The following KLHDC4 variants were observed in gnomAD, a reference collection of about 807,000 sequenced individuals.
KLHDC4 encodes the protein kelch domain containing 4, also known as kelch domain-containing protein 4.
In KLHDC4, 90 loss-of-function variants were observed where a neutral mutation model predicts 62.4. That is an observed-to-expected ratio of 1.44 (90% CI 1.22 to 1.72). The LOEUF is 1.72. KLHDC4 is among the 40% of genes most tolerant of loss of function. The probability of loss-of-function intolerance (pLI) is 0.00; values close to 1 mark genes in which losing one functional copy is unlikely to be tolerated. For synonymous variants in KLHDC4, 386 were observed against 284.4 expected (o/e 1.36, Z -3.59); for missense variants, 1,025 against 699.7 (o/e 1.47, Z -5.25).
intron 7 of KLHDC4, among the ~76,000 whole-genome samples, chr16:87,723,172 G>A (rs766505195): frequency 1.3e-5 from 2 of 152,202 alleles, no homozygotes; most frequent in Non-Finnish European, 2.9e-5. Context: ...CAGCCATGGC[G>A]CAGCTGACCA....
At chr16:87,754,195 T>A (rs1432999390) in intron 4 of KLHDC4, among the ~76,000 whole-genome samples, 1 of 150,868 alleles carries the variant, frequency 6.6e-6, no homozygotes, top group Non-Finnish European at 1.5e-5. Flanking sequence ...CCTAATACAA[T>A]CCCAGTCAGG....
intron 1 of KLHDC4, among the ~76,000 whole-genome samples, chr16:87,762,413 G>C (rs1167050901): frequency 6.6e-6 from 1 of 151,802 alleles, no homozygotes; most frequent in Non-Finnish European, 1.5e-5. Flanking sequence ...AGCAGTGTCT[G>C]ACAAGAACTT....
chr16:87,739,617 G>A (rs62055589), intron 5 of KLHDC4, among the ~76,000 whole-genome samples: 10,918 of 150,950 alleles, frequency 0.072, 526 homozygotes, highest in Non-Finnish European at 0.1. Flanking sequence ...CCACACACCA[G>A]CACGTCATCC....
At position 87,708,082 on chromosome 16, in the gene KLHDC4, C is replaced by T. The variant is rs201054912; in HGVS notation, c.*2-7G>A. ...GCCCCTGGCAGGGGCTCTTCTGATACGCAAGGAGGAAGGAATGAGAGAGAA... is the reference window on the plus strand; with the variant it reads ...GCCCCTGGCAGGGGCTCTTCTGATATGCAAGGAGGAAGGAATGAGAGAGAA... On this transcript the variant is annotated splice_region_variant and splice_polypyrimidine_tract_variant and intron_variant, in intron 11 of 11. Transcript: ENST00000270583. The T allele has an allele frequency of 4.6e-4, 271 of 593,182 alleles. No individual in the cohort carries two copies. The highest frequency in any genetic ancestry group is 7.8e-4 in the Non-Finnish European group (245 of 315,500). 36.7% of individuals were successfully genotyped at this position (593,182 alleles called of 1,614,324 possible). A position where few individuals can be genotyped will look rare whatever the true frequency, so the allele number is the denominator to read the frequency against.
intron 4 of KLHDC4, among the ~76,000 whole-genome samples, chr16:87,754,121 CAG>C (rs2044478537): frequency 6.6e-6 from 1 of 151,950 alleles, no homozygotes; most frequent in South Asian, 2.1e-4. Flanking sequence ...GGCTGGGAGA[CAG>C]AGCAAGACTC....
intron 9 of KLHDC4, chr16:87,710,887 G>A (rs1039514767): frequency 3.4e-5 from 8 of 235,382 alleles, no homozygotes; most frequent in African/African-American, 1.3e-4. Flanking sequence ...AGATGGTGTC[G>A]GAAACCAGGG....
At chr16:87,736,330 G>A (rs2041300924) in intron 5 of KLHDC4, among the ~76,000 whole-genome samples, 1 of 152,198 alleles carries the variant, frequency 6.6e-6, no homozygotes, top group Non-Finnish European at 1.5e-5. Flanking sequence ...CCACCAGTAT[G>A]TATGGTCCGT....
intron 2 of KLHDC4, chr16:87,757,483 G>C (rs1352995815): frequency 3.6e-5 from 5 of 138,024 alleles, no homozygotes; most frequent in African/African-American, 1.4e-4. Flanking sequence ...AAAAAAAAAA[G>C]TCCATATGTA....
intron 5 of KLHDC4, among the ~76,000 whole-genome samples, chr16:87,736,988 G>A (rs1480231567): frequency 6.6e-6 from 1 of 151,430 alleles, no homozygotes; most frequent in East Asian, 1.9e-4. Context: ...AGCCAGGCAT[G>A]GTGGTAGGCA....
chr16:87,713,352 C>T (rs544573393), intron 8 of KLHDC4, among the ~76,000 whole-genome samples: 1 of 152,036 alleles, frequency 6.6e-6, no homozygotes, highest in Admixed American at 6.5e-5. Context: ...GGCACACACG[C>T]CAGCACACCT....
intron 7 of KLHDC4, among the ~76,000 whole-genome samples, chr16:87,725,665 CAGGAACACTTGAGTTCCG>C (rs2039234935): frequency 6.6e-6 from 1 of 152,182 alleles, no homozygotes; most frequent in African/African-American, 2.4e-5. Flanking sequence ...AGTGAAGCAA[CAGGAACACTTGAGTTCCG>C]AGGACAGAGC....
At chr16:87,753,550 A>G (rs1462611538) in intron 4 of KLHDC4, among the ~76,000 whole-genome samples, 2 of 152,190 alleles carry the variant, frequency 1.3e-5, no homozygotes, top group Non-Finnish European at 2.9e-5. Flanking sequence ...CTGTAATCTC[A>G]GCACTTTGGG....
At position 87,748,824 on chromosome 16, in the gene KLHDC4, G is replaced by T; in HGVS notation, c.370-15C>A. 6.2e-7 allele frequency: 1 copy of T among 1,611,572 alleles called. No individual in the cohort carries two copies. The highest frequency in any genetic ancestry group is 8.5e-7 in the Non-Finnish European group (1 of 1,179,562). On this transcript the variant is annotated splice_polypyrimidine_tract_variant and intron_variant, in intron 4 of 11. Coordinates refer to ENST00000270583, the MANE Select transcript of KLHDC4 (RefSeq NM_017566.4). ...ACTACCACCGCCTGTGAAAAGAAAG[G>T]TGACAGGTCAGGGCACAGCCACACA...
intron 7 of KLHDC4, among the ~76,000 whole-genome samples, chr16:87,722,082 T>G (rs1454961071): frequency 6.6e-6 from 1 of 152,188 alleles, no homozygotes; most frequent in Non-Finnish European, 1.5e-5. Flanking sequence ...CTTTGACACG[T>G]GAATGTTGCT....
chr16:87,725,411 C>A (rs1016964910), intron 7 of KLHDC4, among the ~76,000 whole-genome samples: 2 of 152,086 alleles, frequency 1.3e-5, no homozygotes, highest in South Asian at 4.1e-4. Context: ...GTGAGCCGCC[C>A]GCCTCGGCCT....
chr16:87,731,463 G>GA (rs538735641), intron 5 of KLHDC4, among the ~76,000 whole-genome samples: 2 of 151,632 alleles, frequency 1.3e-5, no homozygotes, highest in Non-Finnish European at 2.9e-5. Context: ...AAAATGGGGG[G>GA]AAAAAAGATG....
intron 7 of KLHDC4, among the ~76,000 whole-genome samples, chr16:87,720,720 G>T (rs995305041): frequency 1.3e-5 from 2 of 152,340 alleles, no homozygotes; most frequent in Non-Finnish European, 2.9e-5. Context: ...ACACCCTGTC[G>T]GTTACGGTTA....
intron 3 of KLHDC4, chr16:87,755,525 G>A (rs972556260): frequency 2.0e-5 from 8 of 394,332 alleles, no homozygotes; most frequent in African/African-American, 4.1e-5. Flanking sequence ...GAAAGCCCTC[G>A]TTGTTATTAG....
intron 7 of KLHDC4, among the ~76,000 whole-genome samples, chr16:87,724,759 G>C (rs2039041058): frequency 6.6e-6 from 1 of 152,186 alleles, no homozygotes; most frequent in South Asian, 2.1e-4. Context: ...TTCGGGAAGA[G>C]AGCTGACCAT....
Sources: allele counts gnomAD v4.1 joint callset (sites outside exome capture counted in the v4.1 genomes callset), GRCh38; gene constraint gnomAD v4.1.1; transcripts MANE v1.5; gene names NCBI Gene and HGNC (gene_info 2026-07-23, HGNC 2026-07-21).